VDAC1: variants seen among roughly 807,000 people sequenced by gnomAD.
VDAC1 encodes non-selective voltage-gated ion channel VDAC1.
VDAC1 carries 10 observed loss-of-function variants against 34.7 expected under a neutral mutation model. That is an observed-to-expected ratio of 0.29 (90% CI 0.18 to 0.49). The LOEUF (loss-of-function observed/expected upper bound fraction) is 0.49, where lower values mean the gene tolerates loss of function less well. Among genes scored for constraint, VDAC1 ranks in the 20% least tolerant of loss-of-function variants. The probability of loss-of-function intolerance (pLI) is 0.99; values close to 1 mark genes in which losing one functional copy is unlikely to be tolerated. For synonymous variants in VDAC1, 130 were observed against 136.0 expected (o/e 0.96, Z 0.30); for missense variants, 230 against 347.9 (o/e 0.66, Z 2.69).
chr5:134,042,921 C>T, the VDAC1 span, among the ~76,000 whole-genome samples: 4 of 152,352 alleles, frequency 2.6e-5, no homozygotes, highest in Non-Finnish European at 5.9e-5. Context: ...AACCAGAGTG[C>T]TCTAGACTTC....
chr5:134,060,427 T>C, the VDAC1 span, among the ~76,000 whole-genome samples: 1 of 151,978 alleles, frequency 6.6e-6, no homozygotes, highest in Non-Finnish European at 1.5e-5. Flanking sequence ...AAAAGCTTCC[T>C]AGTCATTTCC....
chr5:134,098,670 G>C, the VDAC1 span, among the ~76,000 whole-genome samples: 8 of 152,336 alleles, frequency 5.3e-5, no homozygotes, highest in Admixed American at 5.2e-4. Context: ...AGGCCTCTAG[G>C]CCTTCTGCAT....
chr5:134,002,590 T>G (rs547369511), intron 1 of VDAC1, among the ~76,000 whole-genome samples: 1 of 152,244 alleles, frequency 6.6e-6, no homozygotes, highest in Non-Finnish European at 1.5e-5. Context: ...AGACTATACA[T>G]ACTGTTACAG....
the VDAC1 span, among the ~76,000 whole-genome samples, chr5:134,092,094 G>A: frequency 6.6e-6 from 1 of 152,164 alleles, no homozygotes; most frequent in Non-Finnish European, 1.5e-5. Context: ...AACCAGATGA[G>A]GAACCAAGGC....
At chr5:134,028,100 C>T in the VDAC1 span, among the ~76,000 whole-genome samples, 314 of 149,828 alleles carry the variant, frequency 2.1e-3, 2 homozygotes, top group Non-Finnish European at 3.8e-3. Flanking sequence ...GCATTTTAGC[C>T]ATCCTTTGAG....
chr5:134,097,628 T>C, the VDAC1 span, among the ~76,000 whole-genome samples: 1 of 152,168 alleles, frequency 6.6e-6, no homozygotes, highest in East Asian at 1.9e-4. Flanking sequence ...TGGAAGGTGC[T>C]TGGTCCCGCA....
At chr5:134,092,026 C>T in the VDAC1 span, among the ~76,000 whole-genome samples, 1 of 152,206 alleles carries the variant, frequency 6.6e-6, no homozygotes, top group Non-Finnish European at 1.5e-5. Flanking sequence ...ACTCTCTGCT[C>T]GTTGCTTCCT....
the VDAC1 span, among the ~76,000 whole-genome samples, chr5:134,113,358 G>A: frequency 6.6e-6 from 1 of 152,206 alleles, no homozygotes; most frequent in Non-Finnish European, 1.5e-5. Context: ...CCGGCTGGGC[G>A]GGCACAGATA....
At chr5:134,033,365 C>G in the VDAC1 span, among the ~76,000 whole-genome samples, 1 of 151,538 alleles carries the variant, frequency 6.6e-6, no homozygotes, top group Non-Finnish European at 1.5e-5. Flanking sequence ...ACCACGTTGG[C>G]CAGGATGGTC....
At chr5:134,090,348 G>A in the VDAC1 span, among the ~76,000 whole-genome samples, 3 of 152,318 alleles carry the variant, frequency 2.0e-5, no homozygotes, top group East Asian at 1.9e-4. Context: ...CAGAATGGAC[G>A]CATTGTTCTC....
intron 2 of VDAC1, 135 bp from the exon 3 acceptor site, chr5:133,992,490 T>C: frequency 1.8e-6 from 1 of 549,668 alleles, no homozygotes; most frequent in Non-Finnish European, 3.0e-6. Context: ...GCACCCAGTC[T>C]CTGCTGCTGC....
the VDAC1 span, among the ~76,000 whole-genome samples, chr5:134,066,304 T>C: frequency 1.3e-5 from 2 of 152,248 alleles, no homozygotes; most frequent in East Asian, 3.9e-4. Flanking sequence ...GCCCGGCCGA[T>C]AGTAAATATT....
the VDAC1 span, among the ~76,000 whole-genome samples, chr5:134,042,497 T>C: frequency 1.3e-5 from 2 of 151,646 alleles, no homozygotes; most frequent in African/African-American, 4.8e-5. Context: ...TTGTTTTTCT[T>C]TTTTTTTTCT....
chr5:134,021,344 C>G, the VDAC1 span, among the ~76,000 whole-genome samples: 5 of 151,762 alleles, frequency 3.3e-5, no homozygotes, highest in East Asian at 1.9e-4. Context: ...CCCAGCCCCC[C>G]ACCCTCCGAA....
chr5:133,975,913 T>C lies in VDAC1; in HGVS notation c.660A>G (p.Gly220=). The stretch of plus-strand genomic sequence containing the variant: ...GGTCAATCTGATACTTGGCTGCTAT[T>C]CCGAAGCGCGTGTTACTGTTTCCTG... ...WTAGNSNTRF[G]IAAKYQIDPD... is the part of the protein sequence containing the mutation. The change falls in exon 7 of 9, where the codon GGA becomes GGG. Residue 220 remains glycine (G), a synonymous_variant. Transcript: ENST00000265333. The C allele has an allele frequency of 6.2e-7, 1 of 1,612,398 alleles. No individual in the cohort carries two copies. Among genetic ancestry groups the C allele is most frequent in the Non-Finnish European group, 8.5e-7 (1 of 1,179,862 alleles).
At chr5:134,111,437 C>T in the VDAC1 span, among the ~76,000 whole-genome samples, 1 of 152,174 alleles carries the variant, frequency 6.6e-6, no homozygotes, top group Non-Finnish European at 1.5e-5. Flanking sequence ...GCAACCACAG[C>T]AGATTGCACT....
chr5:134,100,678 G>A, the VDAC1 span, among the ~76,000 whole-genome samples: 60 of 152,360 alleles, frequency 3.9e-4, no homozygotes, highest in African/African-American at 1.3e-3. Flanking sequence ...CCGAGACTCC[G>A]TCGGGGAATC....
chr5:134,108,791 C>T, the VDAC1 span, among the ~76,000 whole-genome samples: 1 of 152,106 alleles, frequency 6.6e-6, no homozygotes, highest in Admixed American at 6.5e-5. Flanking sequence ...GCCAAACTCT[C>T]CCCCAGGGCC....
the VDAC1 span, among the ~76,000 whole-genome samples, chr5:134,105,740 T>C: frequency 6.6e-6 from 1 of 152,344 alleles, no homozygotes; most frequent in South Asian, 2.1e-4. Flanking sequence ...TCCTGTGCCT[T>C]GCTCCTGGAG....
Sources: gnomAD v4.1 joint callset for allele counts (sites outside exome capture counted in the v4.1 genomes callset) on GRCh38, gnomAD v4.1.1 for gene constraint, MANE v1.5 for transcripts, NCBI Gene and HGNC (gene_info 2026-07-23, HGNC 2026-07-21) for gene names.